U2SURP: variants seen among roughly 807,000 people sequenced by gnomAD.
The protein encoded by U2SURP is U2 snRNP-associated SURP motif-containing protein.
U2SURP carries 9 observed loss-of-function variants against 144.9 expected under a neutral mutation model. The ratio of observed to expected loss-of-function variants is 0.06; its 90% confidence interval spans 0.04 to 0.11. The LOEUF (loss-of-function observed/expected upper bound fraction) is 0.11, where lower values mean the gene tolerates loss of function less well. Ranked by LOEUF, U2SURP falls within the 10% of genes least tolerant of loss-of-function variation. The probability of loss-of-function intolerance (pLI) is 1.00; values close to 1 mark genes in which losing one functional copy is unlikely to be tolerated. For missense variants in U2SURP, 724 were observed against 1,226.7 expected (o/e 0.59, Z 6.12); for synonymous variants, 408 against 396.8 (o/e 1.03, Z -0.33).
At chr3:143,007,599 A>G (rs1935911703) in intron 1 of U2SURP, among the ~76,000 whole-genome samples, 1 of 151,610 alleles carries the variant, frequency 6.6e-6, no homozygotes, top group Non-Finnish European at 1.5e-5. Flanking sequence ...CCGCCACCGC[A>G]CCTGGCCAAT....
At chr3:143,034,601 TAAAG>T (rs1034684554) in intron 18 of U2SURP, 5 of 194,034 alleles carry the variant, frequency 2.6e-5, no homozygotes, top group African/African-American at 4.7e-5. Context: ...TTTTATAAAA[TAAAG>T]AAATTGGACG....
intron 24 of U2SURP, among the ~76,000 whole-genome samples, chr3:143,047,889 C>G (rs955966292): frequency 7.0e-6 from 1 of 142,658 alleles, no homozygotes; most frequent in South Asian, 2.3e-4. Flanking sequence ...CTGACCCCCC[C>G]CAACCTCCCT....
In U2SURP at chr3:143,037,159, A is replaced by T. The variant is rs375643694; in HGVS notation, c.2065-20A>T. The T allele has an allele frequency of 6.1e-4, 977 of 1,604,462 alleles. 2 individuals carry two copies. The highest frequency in any genetic ancestry group is 7.9e-4 in the Non-Finnish European group (926 of 1,175,074). ...TTCAGCAAGCAAAGGAAAATGTTATAATAGTACACATTTCCATAGGATGTT... is the reference window on the plus strand; with the variant it reads ...TTCAGCAAGCAAAGGAAAATGTTATTATAGTACACATTTCCATAGGATGTT... On this transcript the variant is annotated intron_variant, in intron 20 of 27. Coordinates refer to ENST00000473835, the MANE Select transcript of U2SURP (RefSeq NM_001080415.2).
chr3:143,010,718 A>G (rs1358495120), intron 1 of U2SURP, 97 bp from the exon 2 acceptor site: 1 of 869,750 alleles, frequency 1.1e-6, no homozygotes, highest in Non-Finnish European at 1.7e-6. Flanking sequence ...AGAAATTGCC[A>G]GAAGTTAGGA....
intron 3 of U2SURP, among the ~76,000 whole-genome samples, chr3:143,013,970 C>T (rs866895253): frequency 3.9e-5 from 6 of 152,010 alleles, no homozygotes; most frequent in Non-Finnish European, 8.8e-5. Context: ...TCTGTCATTG[C>T]AACTTTTCCC....
In U2SURP at chr3:143,058,230, A is replaced by G. The variant is rs1443646680; in HGVS notation, c.*1780A>G. 1 of 152,044 alleles carries G rather than the reference A, an allele frequency of 6.6e-6. No homozygotes were observed. The highest frequency in any genetic ancestry group is 1.5e-5 in the Non-Finnish European group (1 of 67,834). The allele number at this position is 152,044 out of a possible 1,614,324, so 9.4% of individuals were successfully genotyped here. Reference sequence around the variant, plus strand: ...GTGTCGAGTTGGTGGTGATTTTGGCATTCCATCTTGCACTGGTTTCTAGTA... The same window carrying G: ...GTGTCGAGTTGGTGGTGATTTTGGCGTTCCATCTTGCACTGGTTTCTAGTA... On this transcript the variant is annotated 3_prime_UTR_variant, in exon 28 of 28. Transcript: ENST00000473835.
At chr3:143,041,255 AAC>A (rs1215336264) in intron 23 of U2SURP, among the ~76,000 whole-genome samples, 15 of 151,940 alleles carry the variant, frequency 9.9e-5, no homozygotes, top group African/African-American at 3.4e-4. Context: ...AAGCATCTGA[AAC>A]ACTTGTATAA....
At chr3:143,029,594 A>G (rs1933358072) in intron 16 of U2SURP, among the ~76,000 whole-genome samples, 2 of 152,146 alleles carry the variant, frequency 1.3e-5, no homozygotes, top group Non-Finnish European at 2.9e-5. Flanking sequence ...ACACAACACT[A>G]TTGAAATTAG....
intron 4 of U2SURP, among the ~76,000 whole-genome samples, chr3:143,015,775 AAG>A (rs1393388385): frequency 6.6e-6 from 1 of 152,016 alleles, no homozygotes; most frequent in African/African-American, 2.4e-5. Flanking sequence ...TGAAAATATC[AAG>A]ATTCTTCTGA....
At chr3:143,039,210 T>C (rs1933968360) in intron 23 of U2SURP, among the ~76,000 whole-genome samples, 1 of 151,958 alleles carries the variant, frequency 6.6e-6, no homozygotes, top group African/African-American at 2.4e-5. Flanking sequence ...TAGTTACTAA[T>C]TGGTCAACTG....
At position 143,001,589 on chromosome 3, in the gene U2SURP, C is replaced by T. The variant is rs775174964; in HGVS notation, c.-40C>T. ...TCCGCTCTTTCGGTGCTCGACTCGCCCGTGCTGCTGCCGCCGCCGAAGGAG... is the reference window on the plus strand; with the variant it reads ...TCCGCTCTTTCGGTGCTCGACTCGCTCGTGCTGCTGCCGCCGCCGAAGGAG... On this transcript the variant is annotated 5_prime_UTR_variant, in exon 1 of 28. Coordinates refer to ENST00000473835, the MANE Select transcript of U2SURP (RefSeq NM_001080415.2). The T allele has an allele frequency of 6.2e-7, 1 of 1,612,248 alleles. No homozygotes were observed. The highest frequency in any genetic ancestry group is 8.5e-7 in the Non-Finnish European group (1 of 1,179,342).
Position 143,028,888 on chromosome 3 carries a change from A to C in U2SURP, c.1610+242A>C, listed in dbSNP as rs373147076. ...AGTGATGATCTCTTAAACATGATTG[A>C]CTTATTTCTTTAGCATTGGAGTACT... On this transcript the variant is annotated intron_variant, in intron 16 of 27. Transcript: ENST00000473835. Among the ~76,000 whole-genome samples, 8 of 152,294 alleles carry C rather than the reference A, an allele frequency of 5.3e-5. No homozygotes were observed. The East Asian group carries it at 1.2e-3, about 22-fold the overall frequency.
At chr3:143,024,557 A>G (rs973727204) in intron 13 of U2SURP, 1 of 425,946 alleles carries the variant, frequency 2.3e-6, no homozygotes, top group South Asian at 1.7e-5. Context: ...AGGTATTTGG[A>G]ATTCTTTTAT....
In U2SURP at chr3:143,044,370, C is replaced by A. The variant is rs529971119; in HGVS notation, c.2544+1094C>A. On this transcript the variant is annotated intron_variant, in intron 24 of 27. Transcript: ENST00000473835. ...ATGGTGTGACCATAGCTCACTGCAA[C>A]ATCAAACCACCAGGCTCAAGAGATT... is the stretch of plus-strand genomic sequence containing the variant. 8.5e-5 allele frequency among the ~76,000 whole-genome samples: 12 copies of A among 141,018 alleles called. No homozygotes were observed. The East Asian group carries it at 2.6e-3, about 30-fold the overall frequency. The allele number at this position is 141,018 out of a possible 152,430, so 92.5% of individuals were successfully genotyped here.
chr3:143,011,214 A>G (rs1936109027), intron 2 of U2SURP, among the ~76,000 whole-genome samples: 1 of 152,160 alleles, frequency 6.6e-6, no homozygotes, highest in South Asian at 2.1e-4. Context: ...GTAAACTGTT[A>G]ACAGCTCTAA....
Position 143,046,907 on chromosome 3 carries a change from G to A in U2SURP, c.2544+3631G>A, listed in dbSNP as rs1326777373. Reference sequence around the variant, plus strand: ...CCAGTAGGGGCGGCCGGGCAGAGGCGCCGCTCACCTCCCGGACGGGGCGGC... The same window carrying A: ...CCAGTAGGGGCGGCCGGGCAGAGGCACCGCTCACCTCCCGGACGGGGCGGC... On this transcript the variant is annotated intron_variant, in intron 24 of 27. Coordinates refer to ENST00000473835, the MANE Select transcript of U2SURP (RefSeq NM_001080415.2). Among the ~76,000 whole-genome samples the A allele has an allele frequency of 6.0e-3, 727 of 121,144 alleles. 9 individuals carry two copies. Among genetic ancestry groups the A allele is most frequent in the African/African-American group, 0.025 (676 of 27,214 alleles). The allele number at this position is 121,144 out of a possible 152,430, so 79.5% of individuals were successfully genotyped here.
Position 143,059,770 on chromosome 3 carries a change from T to G in U2SURP, c.*3320T>G, listed in dbSNP as rs1935301128. ...ATTAAGTTTTAGTGAAAAGCCTAATTACAGAAAATTGTGCAGATACTAGTG... is the reference window on the plus strand; with the variant it reads ...ATTAAGTTTTAGTGAAAAGCCTAATGACAGAAAATTGTGCAGATACTAGTG... On this transcript the variant is annotated 3_prime_UTR_variant, in exon 28 of 28. Coordinates refer to ENST00000473835, the MANE Select transcript of U2SURP (RefSeq NM_001080415.2). 1 of 152,016 alleles carries G rather than the reference T, an allele frequency of 6.6e-6. No homozygotes were observed. Among genetic ancestry groups the G allele is most frequent in the Non-Finnish European group, 1.5e-5 (1 of 67,832 alleles). 9.4% of individuals were successfully genotyped at this position (152,016 alleles called of 1,614,324 possible).
At position 143,001,639 on chromosome 3, in the gene U2SURP, A is replaced by G; in HGVS notation, c.11A>G (p.Lys4Arg). 2.5e-6 allele frequency: 4 copies of G among 1,613,992 alleles called. No individual in the cohort carries two copies. Among genetic ancestry groups the G allele is most frequent in the Admixed American group, 1.7e-5 (1 of 60,018 alleles). The stretch of plus-strand genomic sequence containing the variant: ...GGGGCAAAGCTCAAGATGGCGGACA[A>G]AACGCCAGGCGGATCTCAGAAGGCC... MAD[K>R]TPGGSQKASS... Residue 4 changes from lysine to arginine, a missense_variant, in exon 1 of 28, where the codon AAA becomes AGA. Around this residue, in one of 13 missense-constraint regions of U2SURP, gnomAD observed 127 missense variants for 98.2 expected, o/e 1.29. Coordinates refer to ENST00000473835, the MANE Select transcript of U2SURP (RefSeq NM_001080415.2).
chr3:143,038,048 A>T (rs1336275634), intron 21 of U2SURP, 60 bp from the exon 22 acceptor site: 1 of 1,224,732 alleles, frequency 8.2e-7, no homozygotes, highest in Non-Finnish European at 1.1e-6. Context: ...ATACCCATGA[A>T]TGTAATACTT....
Sources: allele counts gnomAD v4.1 joint callset (sites outside exome capture counted in the v4.1 genomes callset), GRCh38; gene constraint gnomAD v4.1.1; regional missense constraint gnomAD v4.1.1; transcripts MANE v1.5; gene names NCBI Gene and HGNC (gene_info 2026-07-23, HGNC 2026-07-21).